The following MGAT4D variants were observed in gnomAD, a reference collection of about 807,000 sequenced individuals.
MGAT4D encodes MGAT4 family member D.
In MGAT4D, 34 loss-of-function variants were observed where a neutral mutation model predicts 15.9. That is an observed-to-expected ratio of 2.14 (90% confidence interval 1.62 to 2.84). The LOEUF (loss-of-function observed/expected upper bound fraction) is 2.84, where lower values mean the gene tolerates loss of function less well. MGAT4D is among the 30% of genes most tolerant of loss of function. The probability of loss-of-function intolerance (pLI) is 0.00; values close to 1 mark genes in which losing one functional copy is unlikely to be tolerated. For missense variants in MGAT4D, 327 were observed against 140.2 expected, an observed-to-expected ratio of 2.33 and a Z score of -6.73; for synonymous variants, 112 against 48.2, an observed-to-expected ratio of 2.33 and a Z score of -5.49.
intron 3 of MGAT4D, among the ~76,000 whole-genome samples, chr4:140,476,459 G>C (rs1424316373): frequency 1.3e-5 from 2 of 152,002 alleles, no homozygotes; most frequent in Non-Finnish European, 2.9e-5. Context: ...TTTATTGTTT[G>C]CCTTTCATAT....
At chr4:140,481,531 T>G (rs764537101) in intron 2 of MGAT4D, among the ~76,000 whole-genome samples, 1 of 152,234 alleles carries the variant, frequency 6.6e-6, no homozygotes, top group Non-Finnish European at 1.5e-5. Flanking sequence ...AACATCTATT[T>G]GTAATTGCCC....
chr4:140,481,582 G>A (rs1190464243), intron 2 of MGAT4D, among the ~76,000 whole-genome samples: 1 of 152,132 alleles, frequency 6.6e-6, no homozygotes, highest in Admixed American at 6.5e-5. Context: ...CTGGTGAGAG[G>A]ATAAACAATA....
intron 2 of MGAT4D, 35 bp downstream of exon 2, chr4:140,482,292 A>AAAAAC (rs750727880): frequency 1.7e-6 from 1 of 590,884 alleles, no homozygotes; most frequent in East Asian, 3.0e-5. Context: ...CTACATTTCC[A>AAAAAC]AAAACAAAAC....
intron 7 of MGAT4D, among the ~76,000 whole-genome samples, chr4:140,460,061 C>T (rs1731072572): frequency 6.6e-6 from 1 of 152,058 alleles, no homozygotes; most frequent in African/African-American, 2.4e-5. Context: ...TATGAGACAC[C>T]ACACCCTGCT....
At chr4:140,461,588 T>C (rs1056298903) in intron 7 of MGAT4D, among the ~76,000 whole-genome samples, 2 of 152,168 alleles carry the variant, frequency 1.3e-5, no homozygotes, top group Non-Finnish European at 2.9e-5. Context: ...CTTAATCTAA[T>C]AAAATTGTAA....
intron 1 of MGAT4D, among the ~76,000 whole-genome samples, chr4:140,483,335 C>A (rs540176830): frequency 1.7e-4 from 26 of 152,116 alleles, no homozygotes; most frequent in African/African-American, 6.3e-4. Flanking sequence ...AAGAATGGTG[C>A]ACTGAAAACT....
chr4:140,477,581 T>C (rs1336373303), intron 3 of MGAT4D, among the ~76,000 whole-genome samples: 1 of 152,254 alleles, frequency 6.6e-6, no homozygotes, highest in East Asian at 1.9e-4. Context: ...ATGAAGCTTG[T>C]CCTATCTGTT....
chr4:140,453,503 G>GT (rs1730603151), intron 9 of MGAT4D, among the ~76,000 whole-genome samples: 2 of 151,784 alleles, frequency 1.3e-5, no homozygotes, highest in African/African-American at 4.8e-5. Flanking sequence ...TATATATAAT[G>GT]TTTTTTAAAT....
At position 140,479,645 on chromosome 4, in the gene MGAT4D, T is replaced by C; in HGVS notation, c.254-18A>G. 2.3e-6 allele frequency: 1 copy of C among 431,768 alleles called. No homozygotes were observed. Among genetic ancestry groups the C allele is most frequent in the Non-Finnish European group, 4.1e-6 (1 of 243,448 alleles). The allele number at this position is 431,768 out of a possible 1,614,324, so 26.7% of individuals were successfully genotyped here. On this transcript the variant is annotated intron_variant, in intron 2 of 10. Transcript: ENST00000511113. ...CTGTGCAACTGAAAGAAAAAAATAA[T>C]GCTTCTGAGTATATGATCATAGGGA...
intron 4 of MGAT4D, among the ~76,000 whole-genome samples, chr4:140,472,337 G>A (rs577033334): frequency 6.6e-5 from 10 of 152,062 alleles, no homozygotes; most frequent in Non-Finnish European, 1.2e-4. Flanking sequence ...TGAACAGTGC[G>A]CTAGATTAGA....
chr4:140,456,787 A>G, intron 8 of MGAT4D, 68 bp from the exon 9 acceptor site: 1 of 545,878 alleles, frequency 1.8e-6, no homozygotes, highest in East Asian at 3.0e-5. Context: ...AACATGGGAA[A>G]AAGCAAAAGT....
At chr4:140,453,285 C>T (rs1730586347) in intron 9 of MGAT4D, among the ~76,000 whole-genome samples, 1 of 151,922 alleles carries the variant, frequency 6.6e-6, no homozygotes, top group Admixed American at 6.6e-5. Flanking sequence ...AGAATATCTA[C>T]CAAAAAATTC....
At chr4:140,446,260 C>T (rs1161745155) in intron 10 of MGAT4D, among the ~76,000 whole-genome samples, 1 of 152,102 alleles carries the variant, frequency 6.6e-6, no homozygotes, top group Non-Finnish European at 1.5e-5. Flanking sequence ...GTCTTCTTTG[C>T]ACATCTAATA....
At chr4:140,474,628 T>A (rs146511007) in intron 4 of MGAT4D, among the ~76,000 whole-genome samples, 185 bp downstream of exon 4, 64 of 152,344 alleles carry the variant, frequency 4.2e-4, no homozygotes, top group African/African-American at 1.5e-3. Flanking sequence ...CATATTTAAT[T>A]CCTTCTCAGC....
chr4:140,465,799 T>C lies in MGAT4D; in HGVS notation c.573-790A>G, dbSNP rs184284806. 2.0e-5 allele frequency among the ~76,000 whole-genome samples: 3 copies of C among 152,338 alleles called. No individual in the cohort carries two copies. The East Asian group carries it at 5.8e-4, about 29-fold the overall frequency. On this transcript the variant is annotated intron_variant, in intron 5 of 10. Transcript: ENST00000511113. ...TCTCCATTATGGGCAAAATAGTCCT[T>C]GCTTTGTACAATTCTGAATGTATAA...
chr4:140,468,335 A>G (rs979378427), intron 5 of MGAT4D, among the ~76,000 whole-genome samples: 2 of 152,140 alleles, frequency 1.3e-5, no homozygotes, highest in Non-Finnish European at 2.9e-5. Flanking sequence ...TGTCTCTGAA[A>G]ATTTTGTAGC....
Position 140,482,477 on chromosome 4 carries a change from A to C in MGAT4D, c.103T>G (p.Leu35Val), listed in dbSNP as rs1225555490. ...IYRITQTNNQ[L>V]INCRNHILEF... is the part of the protein sequence containing the mutation. ...AAAATATGGTTTCTACAGTTAATTAATTGATTATCTGCAATGAAAACATAT... is the reference window on the plus strand; with the variant it reads ...AAAATATGGTTTCTACAGTTAATTACTTGATTATCTGCAATGAAAACATAT... The change falls in exon 2 of 11, where the codon TTA becomes GTA. Residue 35 changes from leucine (L) to valine (V), a missense_variant. Physicochemically the swap from Leu to Val is conservative, Grantham distance 32 (BLOSUM62 1). Transcript: ENST00000511113. 3 of 633,084 alleles carry C rather than the reference A, an allele frequency of 4.7e-6. No homozygotes were observed. In the African/African-American group the frequency reaches 5.6e-5, roughly 12 times the overall value. The allele number at this position is 633,084 out of a possible 1,614,324, so 39.2% of individuals were successfully genotyped here.
chr4:140,478,964 A>G (rs1273716126), intron 3 of MGAT4D, among the ~76,000 whole-genome samples: 1 of 152,128 alleles, frequency 6.6e-6, no homozygotes, highest in African/African-American at 2.4e-5. Context: ...AGAGTGACTC[A>G]CTCACTGGAA....
intron 10 of MGAT4D, among the ~76,000 whole-genome samples, chr4:140,444,335 C>T (rs1017882443): frequency 4.6e-5 from 7 of 151,994 alleles, no homozygotes; most frequent in East Asian, 1.9e-4. Flanking sequence ...AAGCATAGTA[C>T]CCGATAGTTA....
Sources: allele counts gnomAD v4.1 joint callset (sites outside exome capture counted in the v4.1 genomes callset), GRCh38; gene constraint gnomAD v4.1.1; transcripts MANE v1.5; gene names NCBI Gene and HGNC (gene_info 2026-07-23, HGNC 2026-07-21).